Variants in MARCHF1 observed in about 807,000 individuals in gnomAD.
MARCHF1 encodes E3 ubiquitin-protein ligase MARCHF1.
MARCHF1 carries 40 observed loss-of-function variants against 54.2 expected under a neutral mutation model. That is an observed-to-expected ratio of 0.74 (90% CI 0.57 to 0.96). MARCHF1 has a LOEUF of 0.96. MARCHF1 is among the 40% of genes least tolerant of loss of function. MARCHF1 has a pLI of 0.00. For missense variants in MARCHF1, 586 were observed against 656.5 expected (o/e 0.89, Z 1.17); for synonymous variants, 236 against 236.3 (o/e 1.00, Z 0.01).
intron 2 of MARCHF1, among the ~76,000 whole-genome samples, chr4:164,082,298 C>T (rs1418912029): frequency 6.6e-6 from 1 of 152,138 alleles, no homozygotes; most frequent in Non-Finnish European, 1.5e-5. Flanking sequence ...TCCGCAAGAA[C>T]ACTAGGGACA....
chr4:164,100,753 G>A (rs985658635), intron 2 of MARCHF1, among the ~76,000 whole-genome samples: 1 of 152,186 alleles, frequency 6.6e-6, no homozygotes, highest in Admixed American at 6.5e-5. Flanking sequence ...TAAGCTGGGG[G>A]AGGAGCCAAG....
chr4:163,630,743 A>C (rs1241681753), intron 5 of MARCHF1, among the ~76,000 whole-genome samples: 1 of 152,146 alleles, frequency 6.6e-6, no homozygotes, highest in Non-Finnish European at 1.5e-5. Flanking sequence ...AGAGTATGAT[A>C]AAGGAAATGT....
chr4:163,789,970 T>C (rs988181621), intron 4 of MARCHF1, among the ~76,000 whole-genome samples: 3 of 152,106 alleles, frequency 2.0e-5, no homozygotes, highest in Non-Finnish European at 4.4e-5. Flanking sequence ...AACATTAAAG[T>C]GTTCTCAGAG....
intron 3 of MARCHF1, among the ~76,000 whole-genome samples, chr4:163,878,986 A>T (rs1750355224): frequency 6.6e-6 from 1 of 152,236 alleles, no homozygotes; most frequent in Non-Finnish European, 1.5e-5. Flanking sequence ...CCTCTGAGAA[A>T]TTACAACTAG....
intron 2 of MARCHF1, among the ~76,000 whole-genome samples, chr4:164,000,897 T>C (rs1753173739): frequency 6.6e-6 from 1 of 151,814 alleles, no homozygotes; most frequent in African/African-American, 2.4e-5. Flanking sequence ...AATGAAAACA[T>C]AGACCTCTGT....
Position 163,778,578 on chromosome 4 carries a change from A to T in MARCHF1, c.111+75443T>A, listed in dbSNP as rs573494646. Reference sequence around the variant, plus strand: ...TGTGTCTTCTTACACTATTTTTTTTAAAATCATGAATGGAATCAACCTAAT... The same window carrying T: ...TGTGTCTTCTTACACTATTTTTTTTTAAATCATGAATGGAATCAACCTAAT... On this transcript the variant is annotated intron_variant, in intron 4 of 9. Transcript: ENST00000514618. 7.9e-5 allele frequency among the ~76,000 whole-genome samples: 12 copies of T among 152,246 alleles called. 1 individual carries two copies. The highest frequency in any genetic ancestry group is 3.9e-4 in the East Asian group (2 of 5,192).
chr4:163,609,362 G>C lies in MARCHF1; in HGVS notation c.1010+2909C>G, dbSNP rs1741247141. Among the ~76,000 whole-genome samples the C allele has an allele frequency of 2.0e-5, 3 of 151,940 alleles. No homozygotes were observed. In the South Asian group the frequency reaches 6.2e-4, roughly 32 times the overall value. On this transcript the variant is annotated intron_variant, in intron 7 of 9. Transcript: ENST00000514618. ...CTGTTGTCCCAAGTTCCAAGATTTG[G>C]AGTCATTCTTGACTCCTCTGTCTTA...
chr4:163,541,665 T>G (rs1731318792), intron 9 of MARCHF1, among the ~76,000 whole-genome samples: 1 of 152,294 alleles, frequency 6.6e-6, no homozygotes, highest in East Asian at 1.9e-4. Flanking sequence ...TTCAAAAGAT[T>G]TTGCTGTTTT....
At chr4:163,531,662 T>G (rs981539725) in intron 9 of MARCHF1, among the ~76,000 whole-genome samples, 2 of 151,868 alleles carry the variant, frequency 1.3e-5, no homozygotes, top group African/African-American at 4.8e-5. Context: ...TGTTCACAAA[T>G]GATATGATTA....
In MARCHF1 at chr4:163,984,888, C is replaced by A. The variant is rs1413084341; in HGVS notation, c.-39+3613G>T. Among the ~76,000 whole-genome samples the A allele has an allele frequency of 2.0e-5, 3 of 152,096 alleles. No homozygotes were observed. In the East Asian group the frequency reaches 5.8e-4, roughly 29 times the overall value. ...AAACTGTCAGATTCTGACATTCAACCAGAAAAGAAAAAGAAATCTGGAACT... is the reference window on the plus strand; with the variant it reads ...AAACTGTCAGATTCTGACATTCAACAAGAAAAGAAAAAGAAATCTGGAACT... On this transcript the variant is annotated intron_variant, in intron 3 of 9. Transcript: ENST00000514618.
chr4:163,685,464 T>C (rs1159297944), intron 5 of MARCHF1, among the ~76,000 whole-genome samples: 1 of 152,154 alleles, frequency 6.6e-6, no homozygotes, highest in Non-Finnish European at 1.5e-5. Context: ...TTTTTATTTT[T>C]ATTGTCTTAG....
At chr4:164,167,562 G>A (rs1458951083) in intron 1 of MARCHF1, among the ~76,000 whole-genome samples, 1 of 141,286 alleles carries the variant, frequency 7.1e-6, no homozygotes, top group Non-Finnish European at 1.5e-5. Flanking sequence ...AAAAAGTATA[G>A]TATTGTAAAA....
At chr4:163,594,759 A>AACACAC (rs3080975) in intron 7 of MARCHF1, among the ~76,000 whole-genome samples, 24 of 65,698 alleles carry the variant, frequency 3.7e-4, no homozygotes, top group South Asian at 1.8e-3. Flanking sequence ...TCAAAACACA[A>AACACAC]ACACACACAC....
intron 1 of MARCHF1, among the ~76,000 whole-genome samples, chr4:164,241,034 A>G (rs1732727819): frequency 6.6e-6 from 1 of 152,092 alleles, no homozygotes; most frequent in African/African-American, 2.4e-5. Context: ...TAAGACCACT[A>G]TCGTAAAACC....
At chr4:163,770,259 A>G (rs536049348) in intron 4 of MARCHF1, among the ~76,000 whole-genome samples, 1 of 152,148 alleles carries the variant, frequency 6.6e-6, no homozygotes, top group Non-Finnish European at 1.5e-5. Flanking sequence ...CCCAACTTCC[A>G]CATTGTTCAA....
intron 4 of MARCHF1, among the ~76,000 whole-genome samples, chr4:163,794,569 G>A (rs973854796): frequency 6.6e-6 from 1 of 152,154 alleles, no homozygotes; most frequent in African/African-American, 2.4e-5. Context: ...AACATTCACA[G>A]TGTCTGAAAT....
intron 5 of MARCHF1, among the ~76,000 whole-genome samples, chr4:163,640,056 G>T (rs1742498184): frequency 6.6e-6 from 1 of 152,092 alleles, no homozygotes; most frequent in African/African-American, 2.4e-5. Context: ...TTTTTAAAAT[G>T]AGATTTTGGG....
At position 163,981,840 on chromosome 4, in the gene MARCHF1, A is replaced by G. The variant is rs545201113; in HGVS notation, c.-39+6661T>C. 5.3e-5 allele frequency among the ~76,000 whole-genome samples: 8 copies of G among 152,336 alleles called. 1 individual carries two copies. The East Asian group carries it at 1.5e-3, about 29-fold the overall frequency. Reference sequence around the variant, plus strand: ...GAAGTTTTTGTTCAACAATCTTTCAAACACAATGACCACATGGAGTCTCAT... The same window carrying G: ...GAAGTTTTTGTTCAACAATCTTTCAGACACAATGACCACATGGAGTCTCAT... On this transcript the variant is annotated intron_variant, in intron 3 of 9. Coordinates refer to ENST00000514618, the MANE Select transcript of MARCHF1 (RefSeq NM_001394959.1).
intron 1 of MARCHF1, among the ~76,000 whole-genome samples, chr4:164,244,836 G>A (rs939321642): frequency 5.8e-4 from 88 of 151,916 alleles, no homozygotes; most frequent in African/African-American, 1.5e-3. Context: ...ACACCTCTAC[G>A]CAAATAAACT....
Sources: gnomAD v4.1 joint callset for allele counts (sites outside exome capture counted in the v4.1 genomes callset) on GRCh38, gnomAD v4.1.1 for gene constraint, MANE v1.5 for transcripts, NCBI Gene and HGNC (gene_info 2026-07-23, HGNC 2026-07-21) for gene names.